JAML: variants seen among roughly 807,000 people sequenced by gnomAD.
JAML encodes junctional adhesion molecule-like.
A neutral mutation model predicts 39.3 loss-of-function variants in JAML; 25 were observed. That is an observed-to-expected ratio of 0.64 (90% CI 0.46 to 0.89). JAML has a LOEUF of 0.89. Ranked by LOEUF, JAML falls within the 40% of genes least tolerant of loss-of-function variation. The probability of loss-of-function intolerance (pLI) is 0.00; values close to 1 mark genes in which losing one functional copy is unlikely to be tolerated. For synonymous variants in JAML, 162 were observed against 179.2 expected (o/e 0.90, Z 0.77); for missense variants, 440 against 486.9 (o/e 0.90, Z 0.91).
chr11:118,223,328 T>G (rs1949229074), intron 1 of JAML, among the ~76,000 whole-genome samples: 1 of 152,150 alleles, frequency 6.6e-6, no homozygotes, highest in Non-Finnish European at 1.5e-5. Context: ...AGAGAATTTA[T>G]TTGTTTAACA....
intron 1 of JAML, among the ~76,000 whole-genome samples, chr11:118,223,295 A>G (rs141883415): frequency 6.6e-6 from 1 of 152,086 alleles, no homozygotes; most frequent in African/African-American, 2.4e-5. Context: ...ATCCGGGCCC[A>G]TGTGTCTGAA....
chr11:118,198,414 T>C (rs1008192533), intron 7 of JAML, among the ~76,000 whole-genome samples: 11 of 152,152 alleles, frequency 7.2e-5, no homozygotes, highest in African/African-American at 2.7e-4. Context: ...TGGGATTCCA[T>C]TTGACCATCC....
intron 9 of JAML, among the ~76,000 whole-genome samples, 182 bp downstream of exon 9, chr11:118,196,553 G>A (rs1006475923): frequency 6.6e-6 from 1 of 152,150 alleles, no homozygotes. Context: ...TAATCCTTGA[G>A]CTTGGGTAAG....
chr11:118,222,931 C>T lies in JAML; in HGVS notation c.-21+2010G>A, dbSNP rs570798462. Among the ~76,000 whole-genome samples the T allele has an allele frequency of 5.5e-4, 84 of 151,918 alleles. No individual in the cohort carries two copies. The highest frequency in any genetic ancestry group is 1.1e-3 in the Non-Finnish European group (78 of 67,972). On this transcript the variant is annotated intron_variant, in intron 1 of 9. Coordinates refer to ENST00000356289, the MANE Select transcript of JAML (RefSeq NM_001098526.2). The surrounding 1 kb of genome is among the most constrained non-coding windows in gnomAD (Gnocchi z 4.2). ...CCAACATGGCAAAACCCCGTCTCTACTAAAAATACAAAAATTAATCAGGTG... is the reference window on the plus strand; with the variant it reads ...CCAACATGGCAAAACCCCGTCTCTATTAAAAATACAAAAATTAATCAGGTG...
chr11:118,206,492 A>G (rs1303393010), intron 4 of JAML, among the ~76,000 whole-genome samples: 1 of 152,190 alleles, frequency 6.6e-6, no homozygotes, highest in Non-Finnish European at 1.5e-5. Flanking sequence ...TCATTCTTAT[A>G]TTTAACCCAC....
At chr11:118,200,844 G>A in intron 6 of JAML, 2 of 444,230 alleles carry the variant, frequency 4.5e-6, no homozygotes, top group South Asian at 3.8e-5. Context: ...GAGGCTAGCA[G>A]TTCACCTCTA....
intron 4 of JAML, among the ~76,000 whole-genome samples, 184 bp from the exon 5 acceptor site, chr11:118,206,175 G>T (rs915335006): frequency 6.6e-6 from 1 of 152,150 alleles, no homozygotes; most frequent in African/African-American, 2.4e-5. Context: ...TTCCACGTGG[G>T]CAAAGTACTC....
At chr11:118,212,372 G>A (rs1591477459) in intron 3 of JAML, 35 bp downstream of exon 3, 1 of 1,606,870 alleles carries the variant, frequency 6.2e-7, no homozygotes, top group South Asian at 1.1e-5. Context: ...GCAGTCAGGG[G>A]CTTCTATTAC....
chr11:118,196,759 T>G lies in JAML; in HGVS notation c.1068A>C (p.Lys356Asn). 6.2e-7 allele frequency: 1 copy of G among 1,612,816 alleles called. No homozygotes were observed. Among genetic ancestry groups the G allele is most frequent in the South Asian group, 1.1e-5 (1 of 91,048 alleles). The change falls in exon 9 of 10, where the codon AAA (lysine) becomes AAC (asparagine). Residue 356 changes from lysine to asparagine, a missense_variant. Transcript: ENST00000356289. ...CCATGGTCATGTAGGTGGCCTCTGATTTTTCACTTGGTTCTTCTTCCTCGA... is the reference window on the plus strand; with the variant it reads ...CCATGGTCATGTAGGTGGCCTCTGAGTTTTCACTTGGTTCTTCTTCCTCGA... ...EVIEEEEPSE[K>N]SEATYMTMHP...
intron 4 of JAML, among the ~76,000 whole-genome samples, chr11:118,207,905 T>A (rs1012261567): frequency 6.6e-6 from 1 of 152,160 alleles, no homozygotes; most frequent in African/African-American, 2.4e-5. Flanking sequence ...TATGCTTGCA[T>A]GGACAAGTGT....
intron 1 of JAML, among the ~76,000 whole-genome samples, chr11:118,219,621 T>A (rs1949187864): frequency 6.6e-6 from 1 of 152,234 alleles, no homozygotes. Flanking sequence ...GCAACATGTT[T>A]TCATACCTTC....
chr11:118,217,594 T>C (rs1430544368), intron 1 of JAML, among the ~76,000 whole-genome samples: 1 of 152,232 alleles, frequency 6.6e-6, no homozygotes, highest in African/African-American at 2.4e-5. Flanking sequence ...TTGTTTTCAA[T>C]ATTAAAAGAT....
chr11:118,215,363 T>C (rs1055638939), intron 1 of JAML, among the ~76,000 whole-genome samples: 2 of 152,164 alleles, frequency 1.3e-5, no homozygotes, highest in East Asian at 3.9e-4. Flanking sequence ...GAATTACTAC[T>C]TTTTTGGGAG....
chr11:118,200,707 C>T (rs1397571150), intron 6 of JAML, 95 bp from the exon 7 acceptor site: 42 of 1,459,306 alleles, frequency 2.9e-5, no homozygotes, highest in African/African-American at 7.0e-5. Context: ...AGCCAGGCCA[C>T]GAAGCGGAGG....
intron 2 of JAML, chr11:118,213,225 A>G (rs1285208855): frequency 1.1e-5 from 14 of 1,287,954 alleles, no homozygotes; most frequent in Non-Finnish European, 1.4e-5. Flanking sequence ...AGCAATTTCG[A>G]GCGGTCACTA....
At chr11:118,213,315 AC>A in intron 2 of JAML, 1 of 1,040,674 alleles carries the variant, frequency 9.6e-7, no homozygotes, top group Non-Finnish European at 1.2e-6. Context: ...CAAGAAAGAT[AC>A]ATTTAGATGC....
rs759449251 is a variant in JAML, at chr11:118,200,499, C to G, written c.886G>C (p.Val296Leu). 1.2e-6 allele frequency: 2 copies of G among 1,614,080 alleles called. No individual in the cohort carries two copies. ...ILLLPVLILI[V>L]KKTCGNKSSV... is the part of the protein sequence containing the mutation. ...CTCTTATTTCCACAGGTCTTCTTCA[C>G]GATCAATATCAGAACAGGGAGCAGC... Residue 296 changes from valine (V) to leucine (L), a missense_variant, in exon 7 of 10, where the codon GTG becomes CTG. Transcript: ENST00000356289.
intron 3 of JAML, 115 bp downstream of exon 3, chr11:118,212,292 G>T (rs1354058174): frequency 2.3e-6 from 3 of 1,324,312 alleles, no homozygotes; most frequent in Non-Finnish European, 3.1e-6. Context: ...AATCTCCAAA[G>T]CCCCGGCTCT....
intron 3 of JAML, among the ~76,000 whole-genome samples, chr11:118,211,687 A>G (rs1186102084): frequency 1.3e-5 from 2 of 152,266 alleles, no homozygotes; most frequent in Non-Finnish European, 2.9e-5. Flanking sequence ...GTTTGCAAAC[A>G]TTAGGACTTT....
Sources: allele counts gnomAD v4.1 joint callset (sites outside exome capture counted in the v4.1 genomes callset), GRCh38; gene constraint gnomAD v4.1.1; non-coding constraint Gnocchi (gnomAD v3.1); transcripts MANE v1.5; gene names NCBI Gene and HGNC (gene_info 2026-07-23, HGNC 2026-07-21).